The following PCDH15 variants were observed in gnomAD, a reference collection of about 807,000 sequenced individuals.
PCDH15 encodes the protein protocadherin related 15, also known as protocadherin-15.
Under a neutral mutation model 178.5 loss-of-function variants are expected in PCDH15, and 129 were observed. That is an observed-to-expected ratio of 0.72 (90% CI 0.63 to 0.84). The LOEUF is 0.84. PCDH15 is among the 40% of genes least tolerant of loss of function. The pLI, the probability that PCDH15 is intolerant of heterozygous loss-of-function variation, is 0.00. For missense variants in PCDH15, 2,230 were observed against 2,099.9 expected (o/e 1.06, Z -1.21); for synonymous variants, 800 against 732.0 (o/e 1.09, Z -1.50).
rs145955007 is a variant in PCDH15, at chr10:55,273,548, G to C, written c.-156+46051C>G. Among the ~76,000 whole-genome samples, 913 of 152,054 alleles carry C rather than the reference G, an allele frequency of 6.0e-3. 18 individuals carry two copies. Among genetic ancestry groups the C allele is most frequent in the African/African-American group, 0.02 (844 of 41,438 alleles). ...TGGTGGGTGGGTTGGTGGGCAAGGG[G>C]GTGTGTGTGACTGATGTATGTTAAC... On this transcript the variant is annotated intron_variant, in intron 1 of 5. Transcript: ENST00000458638.
chr10:54,060,761 C>T (rs931399437), intron 18 of PCDH15, among the ~76,000 whole-genome samples: 1 of 152,088 alleles, frequency 6.6e-6, no homozygotes, highest in African/African-American at 2.4e-5. Context: ...GGTCTGGATT[C>T]ATGGAGTCAC....
chr10:55,213,990 C>T (rs1304801686), intron 1 of PCDH15, among the ~76,000 whole-genome samples: 1 of 151,848 alleles, frequency 6.6e-6, no homozygotes, highest in Admixed American at 6.6e-5. Context: ...CTAAGCATTA[C>T]CTAGTTTCCA....
chr10:55,370,322 G>C (rs1845475456), intron 2 of PCDH15, among the ~76,000 whole-genome samples: 1 of 152,176 alleles, frequency 6.6e-6, no homozygotes, highest in South Asian at 2.1e-4. Context: ...ACTCATACTT[G>C]TGTGATTGCT....
intron 8 of PCDH15, among the ~76,000 whole-genome samples, chr10:54,313,554 C>T (rs2061039044): frequency 6.6e-6 from 1 of 152,062 alleles, no homozygotes; most frequent in Admixed American, 6.6e-5. Flanking sequence ...CCAGAAAAAA[C>T]CTGCTATCAA....
At chr10:53,903,743 T>C (rs1237268941) in intron 25 of PCDH15, among the ~76,000 whole-genome samples, 3 of 152,160 alleles carry the variant, frequency 2.0e-5, no homozygotes, top group Non-Finnish European at 2.9e-5. Context: ...CCTTATGAAA[T>C]AGTAGAAACT....
intron 3 of PCDH15, among the ~76,000 whole-genome samples, chr10:54,859,989 C>T (rs1029659315): frequency 6.6e-6 from 1 of 151,996 alleles, no homozygotes; most frequent in East Asian, 1.9e-4. Context: ...ACAACTCAGA[C>T]TTACCATGCA....
At chr10:54,965,381 G>A (rs1234017537) in intron 2 of PCDH15, among the ~76,000 whole-genome samples, 4 of 152,040 alleles carry the variant, frequency 2.6e-5, no homozygotes, top group African/African-American at 9.7e-5. Context: ...CATGAGATCT[G>A]ATGGTTTTAT....
intron 3 of PCDH15, among the ~76,000 whole-genome samples, chr10:54,870,582 G>A (rs1388331986): frequency 6.6e-6 from 1 of 151,918 alleles, no homozygotes; most frequent in African/African-American, 2.4e-5. Context: ...TCAGGAGATC[G>A]AGCCCATCCT....
At chr10:55,251,024 T>C (rs1184649050) in intron 1 of PCDH15, among the ~76,000 whole-genome samples, 1 of 152,084 alleles carries the variant, frequency 6.6e-6, no homozygotes, top group Non-Finnish European at 1.5e-5. Context: ...CATGCAGTTG[T>C]AGGAAAAAAA....
At chr10:55,326,550 A>C (rs548854429) in intron 2 of PCDH15, among the ~76,000 whole-genome samples, 1 of 152,224 alleles carries the variant, frequency 6.6e-6, no homozygotes, top group East Asian at 1.9e-4. Flanking sequence ...CTAAAAGTTA[A>C]AAAAGACAGA....
chr10:54,128,841 C>T (rs948579692), intron 15 of PCDH15, among the ~76,000 whole-genome samples: 1 of 152,090 alleles, frequency 6.6e-6, no homozygotes, highest in Non-Finnish European at 1.5e-5. Context: ...TCATAAGAGC[C>T]TTAAAATAAA....
At chr10:54,255,298 C>CAGAT (rs1361682700) in intron 8 of PCDH15, among the ~76,000 whole-genome samples, 7 of 152,270 alleles carry the variant, frequency 4.6e-5, no homozygotes, top group African/African-American at 1.4e-4. Flanking sequence ...AGAGATGAAG[C>CAGAT]AGATGCACAT....
chr10:55,530,895 G>T (rs1841437700), intron 2 of PCDH15, among the ~76,000 whole-genome samples: 1 of 151,988 alleles, frequency 6.6e-6, no homozygotes, highest in Admixed American at 6.6e-5. Flanking sequence ...TCAATAGTTT[G>T]TGTACAGTTA....
intron 2 of PCDH15, among the ~76,000 whole-genome samples, chr10:55,526,665 A>G (rs1027840175): frequency 2.0e-5 from 3 of 152,056 alleles, no homozygotes; most frequent in Non-Finnish European, 2.9e-5. Flanking sequence ...TCTTTGACAG[A>G]CTATCACACT....
chr10:53,873,977 T>G (rs1204832267), intron 26 of PCDH15, among the ~76,000 whole-genome samples: 1 of 152,196 alleles, frequency 6.6e-6, no homozygotes, highest in Non-Finnish European at 1.5e-5. Flanking sequence ...ACCTTGATCT[T>G]GGGCTTCCCT....
intron 1 of PCDH15, among the ~76,000 whole-genome samples, chr10:55,199,726 G>T (rs921518014): frequency 6.6e-6 from 1 of 152,056 alleles, no homozygotes; most frequent in Non-Finnish European, 1.5e-5. Context: ...GGGACTTGCT[G>T]CTCTTTGCAG....
intron 1 of PCDH15, among the ~76,000 whole-genome samples, chr10:54,786,384 A>G (rs1041231684): frequency 2.0e-5 from 3 of 152,056 alleles, no homozygotes; most frequent in African/African-American, 7.2e-5. Flanking sequence ...TCTTTCATAT[A>G]CAAGACTTTT....
At chr10:54,167,044 G>T (rs1220297047) in intron 13 of PCDH15, among the ~76,000 whole-genome samples, 3 of 152,094 alleles carry the variant, frequency 2.0e-5, no homozygotes, top group African/African-American at 7.2e-5. Flanking sequence ...TTCGGACTCA[G>T]CCCGCCTGCA....
intron 3 of PCDH15, among the ~76,000 whole-genome samples, chr10:54,835,797 A>C (rs1953306251): frequency 6.6e-6 from 1 of 152,196 alleles, no homozygotes. Context: ...ATTTTGAGCT[A>C]TGTGTCTGTA....
Sources: gnomAD v4.1 joint callset for allele counts (sites outside exome capture counted in the v4.1 genomes callset) on GRCh38, gnomAD v4.1.1 for gene constraint, MANE v1.5 for transcripts, NCBI Gene and HGNC (gene_info 2026-07-23, HGNC 2026-07-21) for gene names.